SETX: variants seen among roughly 807,000 people sequenced by gnomAD.
SETX encodes the protein helicase senataxin.
A neutral mutation model predicts 227.2 loss-of-function variants in SETX; 90 were observed. The observed-to-expected ratio is 0.40, with a 90% CI of 0.33 to 0.47. SETX has a LOEUF of 0.47. Ranked by LOEUF, SETX falls within the 20% of genes least tolerant of loss-of-function variation. The pLI is 0.91. For missense variants in SETX, 3,052 were observed against 3,181.5 expected, an observed-to-expected ratio of 0.96 and a Z score of 0.98; for synonymous variants, 1,210 against 1,113.2, an observed-to-expected ratio of 1.09 and a Z score of -1.73.
At chr9:132,273,518 G>A (rs1043476353) in intron 23 of SETX, among the ~76,000 whole-genome samples, 1 of 152,168 alleles carries the variant, frequency 6.6e-6, no homozygotes, top group Non-Finnish European at 1.5e-5. Context: ...CAGCGTACAA[G>A]TCTTATACTT....
At chr9:132,314,995 C>T (rs1315145031) in intron 10 of SETX, among the ~76,000 whole-genome samples, 3 of 149,216 alleles carry the variant, frequency 2.0e-5, no homozygotes, top group Non-Finnish European at 3.0e-5. Context: ...TCACTGCAAC[C>T]GCCACCTCCC....
At chr9:132,340,514 T>C (rs1010679239) in intron 5 of SETX, among the ~76,000 whole-genome samples, 3 of 151,256 alleles carry the variant, frequency 2.0e-5, no homozygotes, top group Non-Finnish European at 4.4e-5. Flanking sequence ...AATTCAGGGC[T>C]GAGTGATGGA....
At chr9:132,313,267 T>C (rs1219251871) in intron 10 of SETX, among the ~76,000 whole-genome samples, 1 of 152,176 alleles carries the variant, frequency 6.6e-6, no homozygotes, top group Non-Finnish European at 1.5e-5. Context: ...AAATGCATCC[T>C]AGTGTGTACA....
intron 17 of SETX, 103 bp downstream of exon 17, chr9:132,288,133 G>T: frequency 1.1e-6 from 1 of 876,920 alleles, no homozygotes; most frequent in Non-Finnish European, 1.9e-6. Context: ...TCAGGATTGT[G>T]CTACTGCACT....
Position 132,300,802 on chromosome 9 carries a change from A to C in SETX, c.5376T>G (p.Val1792=). The C allele has an allele frequency of 6.2e-7, 1 of 1,612,310 alleles. No homozygotes were observed. The highest frequency in any genetic ancestry group is 8.5e-7 in the Non-Finnish European group (1 of 1,179,538). The stretch of plus-strand genomic sequence containing the variant: ...TAGCCAGTTCACATTCTTCCAGATA[A>C]ACTATGAAACAAGAAGAAGTCGGAA... ...ADYIKYWEFA[V]YLEECELAKQ... is the part of the protein sequence containing the mutation. The change falls in exon 12 of 26, where the codon GTT becomes GTG. Residue 1792 remains valine, a splice_region_variant and synonymous_variant. Transcript: ENST00000224140.
At position 132,269,689 on chromosome 9, in the gene SETX, A is replaced by C; in HGVS notation, c.7213T>G (p.Leu2405Val). 1 of 1,614,222 alleles carries C rather than the reference A, an allele frequency of 6.2e-7. No homozygotes were observed. Among genetic ancestry groups the C allele is most frequent in the Non-Finnish European group, 8.5e-7 (1 of 1,180,010 alleles). Residue 2405 changes from leucine to valine, a missense_variant, in exon 25 of 26, where the codon TTG becomes GTG. Physicochemically the swap from Leu to Val is conservative, Grantham distance 32 (BLOSUM62 1). Coordinates refer to ENST00000224140, the MANE Select transcript of SETX (RefSeq NM_015046.7). ...GTGATGGTGACATTCAATCTCTGCA[A>C]ACTTGCCAGGAATCTAGGCAATAAA... ...IQGSIGFLAS[L>V]QRLNVTITRA...
chr9:132,267,580 G>A (rs1323276130), intron 25 of SETX, among the ~76,000 whole-genome samples: 2 of 152,138 alleles, frequency 1.3e-5, no homozygotes, highest in Non-Finnish European at 2.9e-5. Flanking sequence ...AAAGCCCAAG[G>A]ACAAAAAAAG....
intron 10 of SETX, among the ~76,000 whole-genome samples, chr9:132,320,593 CAAAAAAAAAAA>C (rs141457619): frequency 1.6e-5 from 1 of 61,068 alleles, no homozygotes; most frequent in South Asian, 7.6e-4. Flanking sequence ...GACTCCAACT[CAAAAAAAAAAA>C]AAAAAAAAAA....
rs768497632 is a variant in SETX, at chr9:132,264,842, A to G, written c.7431T>C (p.Pro2477=). The G allele has an allele frequency of 6.2e-7, 1 of 1,614,148 alleles. No homozygotes were observed. Among genetic ancestry groups the G allele is most frequent in the South Asian group, 1.1e-5 (1 of 91,088 alleles). Residue 2477 remains proline, a synonymous_variant, in exon 26 of 26, where the codon CCT becomes CCC. Transcript: ENST00000224140. ...GTCTGGACCCCTCTGGGGCTATGGT[A>G]GGAGGGTGAGTGAGACTTCTCTGCA... The part of the protein sequence containing the change: ...PVLQRSLTHP[P]TIAPEGSRPQ...
chr9:132,325,410 G>A (rs1221686133), intron 10 of SETX, among the ~76,000 whole-genome samples: 1 of 152,108 alleles, frequency 6.6e-6, no homozygotes, highest in Non-Finnish European at 1.5e-5. Flanking sequence ...GACGTGTAGG[G>A]AAATTTAGGA....
At chr9:132,302,919 C>A (rs984632535) in intron 11 of SETX, among the ~76,000 whole-genome samples, 2 of 152,106 alleles carry the variant, frequency 1.3e-5, no homozygotes, top group Admixed American at 1.3e-4. Context: ...GATATTCCGA[C>A]AAATATGCCA....
intron 7 of SETX, among the ~76,000 whole-genome samples, 188 bp downstream of exon 7, chr9:132,334,420 C>T (rs949685004): frequency 4.6e-5 from 7 of 152,138 alleles, no homozygotes; most frequent in African/African-American, 1.7e-4. Context: ...TGCACTCCAG[C>T]CTGGGCAACA....
upstream of SETX, among the ~76,000 whole-genome samples, chr9:132,356,178 G>C (rs540611119): frequency 6.6e-6 from 1 of 151,858 alleles, no homozygotes; most frequent in East Asian, 1.9e-4. Context: ...ATAAAAATGA[G>C]TAAAATCCAC....
chr9:132,295,893 T>C lies in SETX; in HGVS notation c.6085A>G (p.Lys2029Glu), dbSNP rs746525639. ...KIILEFKEKC[K>E]DKKNPLGNCG... ...ATACCTAAAGGATTCTTCTTGTCTT[T>C]ACATTTTTCTTTGAATTCAAGGATA... The change falls in exon 15 of 26, where the codon AAA becomes GAA. Residue 2029 changes from lysine (K) to glutamate (E), a missense_variant. Transcript: ENST00000224140. The C allele has an allele frequency of 2.2e-5, 35 of 1,613,848 alleles. No homozygotes were observed. Among genetic ancestry groups the C allele is most frequent in the Non-Finnish European group, 2.5e-5 (29 of 1,179,782 alleles).
upstream of SETX, among the ~76,000 whole-genome samples, chr9:132,356,717 C>G (rs565289639): frequency 2.6e-5 from 4 of 152,246 alleles, no homozygotes; most frequent in East Asian, 5.8e-4. Flanking sequence ...CAGGGGAACA[C>G]TGCGGGAAAG....
chr9:132,284,728 C>T (rs1456002989), intron 18 of SETX, among the ~76,000 whole-genome samples: 1 of 152,174 alleles, frequency 6.6e-6, no homozygotes, highest in Non-Finnish European at 1.5e-5. Context: ...TATCAAAGTG[C>T]TGTACTTTCT....
intron 6 of SETX, among the ~76,000 whole-genome samples, 187 bp downstream of exon 6, chr9:132,336,109 G>A (rs924659756): frequency 2.0e-5 from 3 of 152,166 alleles, no homozygotes; most frequent in Non-Finnish European, 4.4e-5. Flanking sequence ...CAGGTGTGGT[G>A]GCGTTTGCCT....
At position 132,288,606 on chromosome 9, in the gene SETX, G is replaced by A; in HGVS notation, c.6152C>T (p.Ser2051Phe). The A allele has an allele frequency of 6.2e-7, 1 of 1,613,810 alleles. No individual in the cohort carries two copies. Among genetic ancestry groups the A allele is most frequent in the Non-Finnish European group, 8.5e-7 (1 of 1,179,852 alleles). ...GAACTTTAGAACCTCACTATTAATA[G>A]ACTTTTCTGGACCCAGTCGTACTAA... ...INLVRLGPEK[S>F]INSEVLKFSL... Residue 2051 changes from serine to phenylalanine, a missense_variant, in exon 16 of 26, where the codon TCT (serine) becomes TTT (phenylalanine). Ser to Phe is a radical substitution (Grantham distance 155). This residue lies in a region of SETX where 412 missense variants were observed against 589.0 expected (regional missense o/e 0.70). Coordinates refer to ENST00000224140, the MANE Select transcript of SETX (RefSeq NM_015046.7).
Position 132,326,695 on chromosome 9 carries a change from A to G in SETX, c.4903T>C (p.Leu1635=). Residue 1635 remains leucine, a synonymous_variant, in exon 10 of 26, where the codon TTG becomes CTG. Transcript: ENST00000224140. The part of the protein sequence containing the change: ...KNKSKGIQSI[L]KVPQPVPLIA... The stretch of plus-strand genomic sequence containing the variant: ...AGGGGAACTGGCTGTGGTACTTTCA[A>G]AATCGACTGTATCCCCTTTGACTTA... 4 of 1,614,194 alleles carry G rather than the reference A, an allele frequency of 2.5e-6. No homozygotes were observed. The highest frequency in any genetic ancestry group is 2.5e-6 in the Non-Finnish European group (3 of 1,180,006).
Sources: gnomAD v4.1 joint callset for allele counts (sites outside exome capture counted in the v4.1 genomes callset) on GRCh38, gnomAD v4.1.1 for gene constraint, gnomAD v4.1.1 regional missense constraint, MANE v1.5 for transcripts, NCBI Gene and HGNC (gene_info 2026-07-23, HGNC 2026-07-21) for gene names.